The following SPDEF variants were observed in gnomAD, a reference collection of about 807,000 sequenced individuals.
SPDEF encodes SAM pointed domain containing ETS transcription factor.
A neutral mutation model predicts 36.0 loss-of-function variants in SPDEF; 12 were observed. That is an observed-to-expected ratio of 0.33 (90% CI 0.21 to 0.54). The LOEUF is 0.54. SPDEF is among the 20% of genes least tolerant of loss of function. The pLI is 0.93. For missense variants in SPDEF, 388 were observed against 456.9 expected (o/e 0.85, Z 1.37); for synonymous variants, 205 against 193.0 (o/e 1.06, Z -0.51).
chr6:34,548,175 C>T (rs1767992607), intron 1 of SPDEF, among the ~76,000 whole-genome samples: 1 of 152,194 alleles, frequency 6.6e-6, no homozygotes, highest in South Asian at 2.1e-4. Flanking sequence ...GACGTGGACT[C>T]CAGAGCCCTG....
intron 1 of SPDEF, among the ~76,000 whole-genome samples, chr6:34,554,337 G>C (rs554035218): frequency 6.6e-6 from 1 of 152,190 alleles, no homozygotes; most frequent in African/African-American, 2.4e-5. Context: ...CACTTTCTGA[G>C]CATCGACTGA....
intron 2 of SPDEF, among the ~76,000 whole-genome samples, chr6:34,542,113 C>G (rs1382442364): frequency 6.6e-6 from 1 of 152,192 alleles, no homozygotes; most frequent in East Asian, 1.9e-4. Flanking sequence ...CTGGAGTCGG[C>G]CTGGCATGGG....
chr6:34,542,584 TG>T (rs1322634238), intron 2 of SPDEF, among the ~76,000 whole-genome samples: 1 of 152,242 alleles, frequency 6.6e-6, no homozygotes, highest in Non-Finnish European at 1.5e-5. Context: ...GAATAAGGCT[TG>T]GCATATTAGG....
At position 34,538,556 on chromosome 6, in the gene SPDEF, G is replaced by A. The variant is rs546248896; in HGVS notation, c.830-104C>T. 404 of 1,191,522 alleles carry A rather than the reference G, an allele frequency of 3.4e-4. No homozygotes were observed. The highest frequency in any genetic ancestry group is 4.5e-4 in the Non-Finnish European group (381 of 849,062). 73.8% of individuals were successfully genotyped at this position (1,191,522 alleles called of 1,614,324 possible). On this transcript the variant is annotated intron_variant, in intron 5 of 5. Coordinates refer to ENST00000374037, the MANE Select transcript of SPDEF (RefSeq NM_012391.3). The surrounding 1 kb of genome is among the most constrained non-coding windows in gnomAD (Gnocchi z 5.9). ...GCCTCGTGGCGAACCAAGGGACCCC[G>A]TGCAGAGGCCTCCCCCTGCTCGGGT...
intron 2 of SPDEF, 58 bp downstream of exon 2, chr6:34,543,962 C>G (rs976344516): frequency 2.6e-6 from 4 of 1,551,678 alleles, no homozygotes; most frequent in Middle Eastern, 1.7e-4. Context: ...CCCACCCCAG[C>G]GACCTCAGCC....
chr6:34,546,843 G>A (rs1314012755), intron 1 of SPDEF, among the ~76,000 whole-genome samples: 1 of 152,170 alleles, frequency 6.6e-6, no homozygotes, highest in Non-Finnish European at 1.5e-5. Context: ...GGGCAGACCT[G>A]GAATCATTTC....
At chr6:34,541,576 C>T (rs1402260992) in intron 2 of SPDEF, among the ~76,000 whole-genome samples, 3 of 152,184 alleles carry the variant, frequency 2.0e-5, no homozygotes, top group Non-Finnish European at 2.9e-5. Context: ...TTTCCCAAAC[C>T]CCTCAAGGAA....
At chr6:34,543,656 C>T (rs1767876010) in intron 2 of SPDEF, among the ~76,000 whole-genome samples, 1 of 152,146 alleles carries the variant, frequency 6.6e-6, no homozygotes, top group Non-Finnish European at 1.5e-5. Context: ...GCGCTCTAGG[C>T]TGAAGAAGCA....
intron 1 of SPDEF, among the ~76,000 whole-genome samples, chr6:34,545,466 G>A (rs1452851013): frequency 2.6e-5 from 4 of 152,364 alleles, no homozygotes; most frequent in East Asian, 1.9e-4. Context: ...CCCACGGGCC[G>A]CCCCGGCTTG....
intron 2 of SPDEF, 128 bp from the exon 3 acceptor site, chr6:34,541,309 C>T (rs1767818503): frequency 4.3e-6 from 4 of 933,414 alleles, no homozygotes; most frequent in Non-Finnish European, 6.3e-6. Flanking sequence ...CAGCCCCAGA[C>T]AGGCCCCTGA....
At chr6:34,541,371 A>G (rs1767819745) in intron 2 of SPDEF, among the ~76,000 whole-genome samples, 190 bp from the exon 3 acceptor site, 1 of 152,092 alleles carries the variant, frequency 6.6e-6, no homozygotes, top group African/African-American at 2.4e-5. Flanking sequence ...AGAGGAAGGA[A>G]CCAGGGCCCT....
chr6:34,545,156 C>T (rs188393291), intron 1 of SPDEF, among the ~76,000 whole-genome samples: 2 of 152,302 alleles, frequency 1.3e-5, no homozygotes, highest in East Asian at 1.9e-4. Flanking sequence ...CTCCCAATAC[C>T]CCAGGCTGGG....
chr6:34,545,042 C>T (rs558028332), intron 1 of SPDEF, among the ~76,000 whole-genome samples: 11 of 152,176 alleles, frequency 7.2e-5, no homozygotes, highest in Admixed American at 1.3e-4. Flanking sequence ...TCCCACACGC[C>T]GGGGAGTAGG....
Position 34,538,328 on chromosome 6 carries a change from G to A in SPDEF, c.954C>T (p.Ile318=). Residue 318 remains isoleucine, a synonymous_variant, in exon 6 of 6, where the codon ATC becomes ATT. Coordinates refer to ENST00000374037, the MANE Select transcript of SPDEF (RefSeq NM_012391.3). The surrounding 1 kb of genome is among the most constrained non-coding windows in gnomAD (Gnocchi z 5.9). ...GGCGCTGGGAGATGTCTGGCTTCCG[G>A]ATGATGCCCTTCTTGTAATACTGGC... ...SIRQYYKKGI[I]RKPDISQRLV... is the part of the protein sequence containing the mutation. The A allele has an allele frequency of 6.2e-7, 1 of 1,614,166 alleles. No homozygotes were observed. The highest frequency in any genetic ancestry group is 8.5e-7 in the Non-Finnish European group (1 of 1,179,980).
intron 1 of SPDEF, among the ~76,000 whole-genome samples, chr6:34,546,646 A>G (rs912353697): frequency 1.3e-5 from 2 of 151,998 alleles, no homozygotes; most frequent in Non-Finnish European, 2.9e-5. Context: ...GCAGTGCCCA[A>G]CCTTCCCAGT....
intron 1 of SPDEF, among the ~76,000 whole-genome samples, chr6:34,554,240 G>A (rs1266500645): frequency 3.3e-5 from 5 of 152,124 alleles, no homozygotes; most frequent in East Asian, 1.9e-4. Context: ...CTGCTCTAAC[G>A]GTTTCAGGGC....
chr6:34,538,252 T>A lies in SPDEF; in HGVS notation c.*22A>T, dbSNP rs763278164. 2 of 1,604,068 alleles carry A rather than the reference T, an allele frequency of 1.2e-6. No homozygotes were observed. Among genetic ancestry groups the A allele is most frequent in the Non-Finnish European group, 1.7e-6 (2 of 1,173,446 alleles). On this transcript the variant is annotated 3_prime_UTR_variant, in exon 6 of 6. Coordinates refer to ENST00000374037, the MANE Select transcript of SPDEF (RefSeq NM_012391.3). The surrounding 1 kb of genome is among the most constrained non-coding windows in gnomAD (Gnocchi z 5.9). ...CAGGAGAGAGGCCCCTGAGGGCGGGTTTCAGGCCCTGGGCCAGGCACTCAG... is the reference window on the plus strand; with the variant it reads ...CAGGAGAGAGGCCCCTGAGGGCGGGATTCAGGCCCTGGGCCAGGCACTCAG...
chr6:34,548,850 G>T (rs1335497208), intron 1 of SPDEF, among the ~76,000 whole-genome samples: 1 of 152,092 alleles, frequency 6.6e-6, no homozygotes, highest in Admixed American at 6.5e-5. Context: ...ATGCAATTCA[G>T]CCCAGGATTA....
rs992714639 is a variant in SPDEF at position 34,539,450 on chromosome 6, T to C, written c.683-54A>G. The C allele has an allele frequency of 3.1e-6, 5 of 1,611,186 alleles. No individual in the cohort carries two copies. The highest frequency in any genetic ancestry group is 4.2e-6 in the Non-Finnish European group (5 of 1,179,726). ...TGGGAATGGGAGGCCAGTCCCGGCT[T>C]CATTGGCAGCCACCCCTCCACCCCA... On this transcript the variant is annotated intron_variant, in intron 4 of 5. Coordinates refer to ENST00000374037, the MANE Select transcript of SPDEF (RefSeq NM_012391.3). The surrounding 1 kb of genome is among the most constrained non-coding windows in gnomAD (Gnocchi z 5.2).
Sources: allele counts gnomAD v4.1 joint callset (sites outside exome capture counted in the v4.1 genomes callset), GRCh38; gene constraint gnomAD v4.1.1; non-coding constraint Gnocchi (gnomAD v3.1); transcripts MANE v1.5; gene names NCBI Gene and HGNC (gene_info 2026-07-23, HGNC 2026-07-21).